DNM1: variants seen among roughly 807,000 people sequenced by gnomAD.
DNM1 encodes dynamin-1.
DNM1 carries 29 observed loss-of-function variants against 104.6 expected under a neutral mutation model. That is an observed-to-expected ratio of 0.28 (90% confidence interval 0.21 to 0.38). The LOEUF is 0.38. Among genes scored for constraint, DNM1 ranks in the 10% least tolerant of loss-of-function variants. The pLI is 1.00. For missense variants in DNM1, 640 were observed against 1,189.4 expected (o/e 0.54, Z 6.79); for synonymous variants, 445 against 475.8 (o/e 0.94, Z 0.84).
chr9:128,206,119 A>G (rs3003607), intron 1 of DNM1, among the ~76,000 whole-genome samples: 74,381 of 152,104 alleles, frequency 0.49, 21,292 homozygotes, highest in South Asian at 0.67. Context: ...TGACCTCTCC[A>G]ACAGGGCTCA....
chr9:128,222,185 C>T lies in DNM1; in HGVS notation c.850-12C>T, dbSNP rs762350766. 1.2e-6 allele frequency: 2 copies of T among 1,608,804 alleles called. No individual in the cohort carries two copies. The highest frequency in any genetic ancestry group is 2.2e-5 in the South Asian group (2 of 90,004). ...CATCTGTCCTCAACCCTTTCCTCAC[C>T]CTTACCCCCAGCAACTGACGAACCA... On this transcript the variant is annotated splice_polypyrimidine_tract_variant and intron_variant, in intron 6 of 21. Coordinates refer to ENST00000372923, the MANE Select transcript of DNM1 (RefSeq NM_004408.4). The surrounding 1 kb of genome is among the most constrained non-coding windows in gnomAD (Gnocchi z 7.8).
Position 128,254,381 on chromosome 9 carries a change from C to T in DNM1, c.2535-273C>T, listed in dbSNP as rs1829719809. 12 of 1,409,044 alleles carry T rather than the reference C, an allele frequency of 8.5e-6. No individual in the cohort carries two copies. Among genetic ancestry groups the T allele is most frequent in the South Asian group, 8.0e-5 (5 of 62,178 alleles). The allele number at this position is 1,409,044 out of a possible 1,614,324, so 87.3% of individuals were successfully genotyped here. A position where few individuals can be genotyped will look rare whatever the true frequency, so the allele number is the denominator to read the frequency against. On this transcript the variant is annotated intron_variant, in intron 21 of 21. Transcript: ENST00000372923. This position sits in a 1 kb window ranked among gnomAD's most constrained non-coding sequence, Gnocchi z 6.1. Reference sequence around the variant, plus strand: ...AATTGCGGGTGCCCTGCCTGGGTGCCGTGTGAGAGGCCAGCGTGTGTGGGG... The same window carrying T: ...AATTGCGGGTGCCCTGCCTGGGTGCTGTGTGAGAGGCCAGCGTGTGTGGGG...
intron 1 of DNM1, among the ~76,000 whole-genome samples, chr9:128,208,057 T>C (rs919882875): frequency 6.6e-6 from 1 of 151,520 alleles, no homozygotes; most frequent in African/African-American, 2.4e-5. Flanking sequence ...TTCTTTTTTT[T>C]CTTTTTTTTT....
rs144778049 is a variant in DNM1, at chr9:128,253,023, C to CGT, written c.2535-1622_2535-1621dup. 3.5e-6 allele frequency: 5 copies of CGT among 1,421,210 alleles called. No homozygotes were observed. Among genetic ancestry groups the CGT allele is most frequent in the South Asian group, 2.3e-5 (2 of 87,040 alleles). The allele number at this position is 1,421,210 out of a possible 1,614,324, so 88.0% of individuals were successfully genotyped here. Reference sequence around the variant, plus strand: ...ATGTGTGTGCACGCCCGGGCGTGTGCGTGTGTGTGTCCCCCACCCCCAGGC... The same window carrying CGT: ...ATGTGTGTGCACGCCCGGGCGTGTGCGTGTGTGTGTGTCCCCCACCCCCAGGC... On this transcript the variant is annotated intron_variant, in intron 21 of 21. Coordinates refer to ENST00000372923, the MANE Select transcript of DNM1 (RefSeq NM_004408.4). This position sits in a 1 kb window ranked among gnomAD's most constrained non-coding sequence, Gnocchi z 5.9.
chr9:128,208,724 A>G (rs1463288205), intron 1 of DNM1, among the ~76,000 whole-genome samples: 3 of 152,162 alleles, frequency 2.0e-5, no homozygotes, highest in African/African-American at 7.2e-5. Context: ...GCAGACAGAC[A>G]TGAAATCCAC....
In DNM1 at chr9:128,220,535, T is replaced by C. The variant is rs1834876927; in HGVS notation, c.849+194T>C. 1.3e-5 allele frequency among the ~76,000 whole-genome samples: 2 copies of C among 152,164 alleles called. No individual in the cohort carries two copies. The highest frequency in any genetic ancestry group is 2.1e-4 in the South Asian group (1 of 4,828). Reference sequence around the variant, plus strand: ...GCAAAGCTTCACTGACCTTTCCCTGTCTGGGACCTGCCAGGGAAGCCCTGG... The same window carrying C: ...GCAAAGCTTCACTGACCTTTCCCTGCCTGGGACCTGCCAGGGAAGCCCTGG... On this transcript the variant is annotated intron_variant, in intron 6 of 21. Transcript: ENST00000372923. This position sits in a 1 kb window ranked among gnomAD's most constrained non-coding sequence, Gnocchi z 5.2.
chr9:128,211,585 G>A (rs1264812648), intron 1 of DNM1, among the ~76,000 whole-genome samples: 1 of 149,706 alleles, frequency 6.7e-6, no homozygotes, highest in Non-Finnish European at 1.5e-5. Flanking sequence ...GCCTCAAGCT[G>A]GGGCTTGAAC....
rs943774081 is a variant in DNM1, at chr9:128,220,713, C to T, written c.849+372C>T. ...GGACTTTTCTCCATCTGGAATGGGG[C>T]ATCCAGAACTGAAGTGCGCGCGCGC... On this transcript the variant is annotated intron_variant, in intron 6 of 21. Coordinates refer to ENST00000372923, the MANE Select transcript of DNM1 (RefSeq NM_004408.4). The surrounding 1 kb of genome is among the most constrained non-coding windows in gnomAD (Gnocchi z 5.2). Among the ~76,000 whole-genome samples, 2 of 137,792 alleles carry T rather than the reference C, an allele frequency of 1.5e-5. No homozygotes were observed. The highest frequency in any genetic ancestry group is 3.1e-5 in the Non-Finnish European group (2 of 63,636). 90.4% of individuals were successfully genotyped at this position (137,792 alleles called of 152,430 possible).
In DNM1 at chr9:128,228,114, T is replaced by C. The variant is rs929886567; in HGVS notation, c.1335+3725T>C. ...TGGAGTGCAGTGGTGCCATCTCGGC[T>C]CACTGCAACCTCCACCTCTCAGGTT... On this transcript the variant is annotated intron_variant, in intron 10 of 21. Coordinates refer to ENST00000372923, the MANE Select transcript of DNM1 (RefSeq NM_004408.4). 1.1e-4 allele frequency among the ~76,000 whole-genome samples: 17 copies of C among 152,024 alleles called. 1 individual carries two copies. The highest frequency in any genetic ancestry group is 1.5e-5 in the Non-Finnish European group (1 of 67,996).
chr9:128,225,989 C>T (rs776443888), intron 10 of DNM1: 1 of 1,599,938 alleles, frequency 6.3e-7, no homozygotes, highest in East Asian at 2.2e-5. Flanking sequence ...CTCCTCCCCA[C>T]CCACGGCTGC....
chr9:128,232,919 GC>G, intron 10 of DNM1, among the ~76,000 whole-genome samples: 1 of 152,228 alleles, frequency 6.6e-6, no homozygotes. Flanking sequence ...CATGGGCCTG[GC>G]CCTGCCCCAG....
intron 1 of DNM1, among the ~76,000 whole-genome samples, chr9:128,208,544 G>A (rs914994557): frequency 2.0e-5 from 3 of 152,172 alleles, no homozygotes; most frequent in Admixed American, 1.3e-4. Flanking sequence ...TGGAGATGGA[G>A]GCCAAAGTCT....
intron 15 of DNM1, among the ~76,000 whole-genome samples, chr9:128,246,004 C>T (rs1192533575): frequency 6.6e-6 from 1 of 152,246 alleles, no homozygotes; most frequent in Non-Finnish European, 1.5e-5. Context: ...GGTGGCCCCC[C>T]TTCCTGGTCT....
rs1835869747 is a variant in DNM1 at position 128,234,171 on chromosome 9, A to G, written c.1422+64A>G. On this transcript the variant is annotated intron_variant, in intron 11 of 21. Coordinates refer to ENST00000372923, the MANE Select transcript of DNM1 (RefSeq NM_004408.4). ...CCACTCCTGGCCGCCTGCGCCTTCC[A>G]CTCCTGGCCCTGGGGTTGCTTCCTT... The G allele has an allele frequency of 3.8e-6, 5 of 1,333,234 alleles. No homozygotes were observed. The East Asian group carries it at 1.1e-4, about 29-fold the overall frequency. 82.6% of individuals were successfully genotyped at this position (1,333,234 alleles called of 1,614,324 possible).
chr9:128,234,301 A>G (rs1363037569), intron 11 of DNM1, among the ~76,000 whole-genome samples, 194 bp downstream of exon 11: 2 of 152,164 alleles, frequency 1.3e-5, no homozygotes, highest in East Asian at 1.9e-4. Context: ...CACTTTAGCC[A>G]TGTTTAAGCG....
In DNM1 at chr9:128,218,549, C is replaced by G; in HGVS notation, c.236-33C>G. The G allele has an allele frequency of 6.3e-7, 1 of 1,594,080 alleles. No individual in the cohort carries two copies. Among genetic ancestry groups the G allele is most frequent in the Non-Finnish European group, 8.6e-7 (1 of 1,166,296 alleles). The stretch of plus-strand genomic sequence containing the variant: ...CAGGTGGGGTTCCAGACCTTGATGC[C>G]TACTGCCCTTCCCCTGCCCGCTTCT... On this transcript the variant is annotated intron_variant, in intron 2 of 21. Transcript: ENST00000372923. This position sits in a 1 kb window ranked among gnomAD's most constrained non-coding sequence, Gnocchi z 4.8.
At chr9:128,228,375 A>G (rs541048861) in intron 10 of DNM1, among the ~76,000 whole-genome samples, 1 of 151,472 alleles carries the variant, frequency 6.6e-6, no homozygotes, top group African/African-American at 2.4e-5. Context: ...GGATCTTACT[A>G]TGTTGCCCAG....
chr9:128,248,190 G>A lies in DNM1; in HGVS notation c.1905+255G>A. 1.8e-6 allele frequency: 1 copy of A among 549,866 alleles called. No homozygotes were observed. The highest frequency in any genetic ancestry group is 2.0e-5 in the South Asian group (1 of 50,288). 34.1% of individuals were successfully genotyped at this position (549,866 alleles called of 1,614,324 possible). ...AAAAATACAAAAATTAGCCAGGCAT[G>A]GTGGTGCGCGCCTGTAATCCCAGCT... On this transcript the variant is annotated intron_variant, in intron 18 of 21. Coordinates refer to ENST00000372923, the MANE Select transcript of DNM1 (RefSeq NM_004408.4). This position sits in a 1 kb window ranked among gnomAD's most constrained non-coding sequence, Gnocchi z 5.6.
At chr9:128,242,759 CA>C (rs1013021283) in intron 15 of DNM1, among the ~76,000 whole-genome samples, 10 of 150,510 alleles carry the variant, frequency 6.6e-5, no homozygotes, top group Non-Finnish European at 1.2e-4. Flanking sequence ...GACTCCATCT[CA>C]AAAAAAAAGG....
Sources: gnomAD v4.1 joint callset for allele counts (sites outside exome capture counted in the v4.1 genomes callset) on GRCh38, gnomAD v4.1.1 for gene constraint, Gnocchi (gnomAD v3.1) non-coding constraint, MANE v1.5 for transcripts, NCBI Gene and HGNC (gene_info 2026-07-23, HGNC 2026-07-21) for gene names.